TMEM266: variants seen among roughly 807,000 people sequenced by gnomAD.
TMEM266 encodes Hv1 related protein 1.
TMEM266 carries 33 observed loss-of-function variants against 50.5 expected under a neutral mutation model. The ratio of observed to expected loss-of-function variants is 0.65; its 90% CI spans 0.50 to 0.87. TMEM266 has a LOEUF of 0.87. Among genes scored for constraint, TMEM266 ranks in the 40% least tolerant of loss-of-function variants. The probability of loss-of-function intolerance (pLI) is 0.00; values close to 1 mark genes in which losing one functional copy is unlikely to be tolerated. For synonymous variants in TMEM266, 310 were observed against 292.3 expected, an observed-to-expected ratio of 1.06 and a Z score of -0.62; for missense variants, 655 against 695.1, an observed-to-expected ratio of 0.94 and a Z score of 0.65.
chr15:76,157,373 G>A (rs882791), intron 4 of TMEM266, among the ~76,000 whole-genome samples: 14,668 of 152,294 alleles, frequency 0.096, 864 homozygotes, highest in Middle Eastern at 0.16. Context: ...CTTGCCCTAA[G>A]TAAGAGGTAT....
At chr15:76,067,921 C>G (rs924768976) in intron 1 of TMEM266, among the ~76,000 whole-genome samples, 21 of 152,050 alleles carry the variant, frequency 1.4e-4, no homozygotes, top group Non-Finnish European at 2.9e-4. Flanking sequence ...TGCAAAGGGC[C>G]AGCTCTCCCC....
intron 7 of TMEM266, among the ~76,000 whole-genome samples, chr15:76,174,700 C>G (rs79145320): frequency 3.9e-5 from 6 of 152,220 alleles, no homozygotes; most frequent in African/African-American, 1.2e-4. Context: ...CCTAGGCAAG[C>G]ACTAAGCTGC....
At chr15:76,151,442 TC>T (rs1349810854) in intron 3 of TMEM266, among the ~76,000 whole-genome samples, 3 of 151,808 alleles carry the variant, frequency 2.0e-5, no homozygotes, top group Non-Finnish European at 2.9e-5. Context: ...CAGCCCAGCC[TC>T]CCAGCCCCCA....
Position 76,119,409 on chromosome 15 carries a change from A to G in TMEM266, c.-96-14759A>G, listed in dbSNP as rs908258574. Among the ~76,000 whole-genome samples, 323 of 149,594 alleles carry G rather than the reference A, an allele frequency of 2.2e-3. 2 individuals carry two copies. The highest frequency in any genetic ancestry group is 7.2e-3 in the African/African-American group (293 of 40,920). ...TTTATGGCAAAAAAAAAAAAAAAAA[A>G]AAAGAAAAGAAAAGAAAATAGGGTC... On this transcript the variant is annotated intron_variant, in intron 1 of 10. Transcript: ENST00000388942.
chr15:76,128,456 A>G (rs969005102), intron 1 of TMEM266, among the ~76,000 whole-genome samples: 3 of 152,226 alleles, frequency 2.0e-5, no homozygotes, highest in Non-Finnish European at 1.5e-5. Flanking sequence ...GAATTTGACT[A>G]AAGTCTTAAA....
intron 1 of TMEM266, among the ~76,000 whole-genome samples, chr15:76,092,255 G>A (rs2036859212): frequency 6.6e-6 from 1 of 152,038 alleles, no homozygotes; most frequent in African/African-American, 2.4e-5. Context: ...TGGTCTTCAT[G>A]TTTTAGATTC....
At position 76,175,579 on chromosome 15, in the gene TMEM266, C is replaced by T. The variant is rs375786494; in HGVS notation, c.673C>T (p.Leu225=). The T allele has an allele frequency of 8.1e-6, 13 of 1,613,924 alleles. No homozygotes were observed. The African/African-American group carries it at 1.7e-4, about 22-fold the overall frequency. Reference sequence around the variant, plus strand: ...TCCAGCCTACGTCCTGCCAGTGAAGCTGGAGATGGAGATGGTTATCCAGCA... The same window carrying T: ...TCCAGCCTACGTCCTGCCAGTGAAGTTGGAGATGGAGATGGTTATCCAGCA... Residue 225 remains leucine, a synonymous_variant, in exon 8 of 11, where the codon CTG becomes TTG. Transcript: ENST00000388942.
At chr15:76,079,475 C>T (rs899238600) in intron 1 of TMEM266, among the ~76,000 whole-genome samples, 4 of 145,302 alleles carry the variant, frequency 2.8e-5, no homozygotes, top group Non-Finnish European at 6.0e-5. Context: ...GTTACCTCTG[C>T]AAAGATACTA....
intron 8 of TMEM266, chr15:76,176,084 A>C: frequency 5.5e-6 from 1 of 181,966 alleles, no homozygotes; most frequent in East Asian, 1.7e-4. Flanking sequence ...CCAGGGCCCC[A>C]GAAAGATGCT....
intron 3 of TMEM266, among the ~76,000 whole-genome samples, chr15:76,141,800 G>A (rs972782564): frequency 4.6e-5 from 7 of 152,120 alleles, no homozygotes; most frequent in African/African-American, 9.7e-5. Context: ...CTTTGAATTC[G>A]ACTACTCTAA....
chr15:76,153,143 A>AG lies in TMEM266; in HGVS notation c.228-3461_228-3460insG, dbSNP rs1305053993. Among the ~76,000 whole-genome samples, 2 of 151,838 alleles carry AG rather than the reference A, an allele frequency of 1.3e-5. No individual in the cohort carries two copies. Among genetic ancestry groups the AG allele is most frequent in the Non-Finnish European group, 1.5e-5 (1 of 67,940 alleles). ...TAGTAAGTTTCTCTAACAAAAAAAA[A>AG]AAGAAGAAAAAAACGACATTTTAAA... is the stretch of plus-strand genomic sequence containing the variant. On this transcript the variant is annotated intron_variant, in intron 3 of 10. Coordinates refer to ENST00000388942, the MANE Select transcript of TMEM266 (RefSeq NM_152335.3). This position sits in a 1 kb window ranked among gnomAD's most constrained non-coding sequence, Gnocchi z 4.2.
At chr15:76,072,204 C>T (rs1472515953) in intron 1 of TMEM266, among the ~76,000 whole-genome samples, 2 of 151,750 alleles carry the variant, frequency 1.3e-5, no homozygotes, top group East Asian at 1.9e-4. Flanking sequence ...TTTGGGAGGC[C>T]GAGGTAGGCG....
intron 8 of TMEM266, among the ~76,000 whole-genome samples, chr15:76,190,732 T>TC (rs748479247): frequency 9.2e-5 from 14 of 152,156 alleles, no homozygotes; most frequent in Non-Finnish European, 1.6e-4. Context: ...ATTTTGCAAC[T>TC]CCTGTGAAAG....
Position 76,103,093 on chromosome 15 carries a change from C to T in TMEM266, c.-96-31075C>T, listed in dbSNP as rs142075445. ...ACAGGAGTCTATGGCAGTAATCGGCCGAGAGATAGTGGGGGTTTGGACCAG... is the reference window on the plus strand; with the variant it reads ...ACAGGAGTCTATGGCAGTAATCGGCTGAGAGATAGTGGGGGTTTGGACCAG... On this transcript the variant is annotated intron_variant, in intron 1 of 10. Transcript: ENST00000388942. Among the ~76,000 whole-genome samples the T allele has an allele frequency of 6.1e-3, 920 of 151,854 alleles. 6 individuals are homozygous for T. Among genetic ancestry groups the T allele is most frequent in the Non-Finnish European group, 9.2e-3 (626 of 67,962 alleles).
intron 9 of TMEM266, among the ~76,000 whole-genome samples, chr15:76,199,717 G>A (rs1018336994): frequency 6.6e-6 from 1 of 152,012 alleles, no homozygotes; most frequent in Non-Finnish European, 1.5e-5. Flanking sequence ...AGATCAGTGT[G>A]TGAAGTGCGG....
chr15:76,183,070 C>T (rs905838256), intron 8 of TMEM266, among the ~76,000 whole-genome samples: 1 of 145,098 alleles, frequency 6.9e-6, no homozygotes, highest in South Asian at 2.2e-4. Context: ...CCACACAAGT[C>T]ACTCAGGCCT....
At chr15:76,178,708 G>A (rs748583060) in intron 8 of TMEM266, 2 of 152,242 alleles carry the variant, frequency 1.3e-5, no homozygotes, top group Non-Finnish European at 1.5e-5. Context: ...GGGGGTCTCA[G>A]CCGGAGGGAG....
At position 76,192,122 on chromosome 15, in the gene TMEM266, C is replaced by T. The variant is rs1012861884; in HGVS notation, c.923C>T (p.Ala308Val). Residue 308 changes from alanine to valine, a missense_variant, in exon 9 of 11, where the codon GCC becomes GTC. By Grantham distance (64) the Ala-to-Val change is moderately conservative (BLOSUM62 0). This residue lies in a region of TMEM266 where 455 missense variants were observed against 401.8 expected (regional missense o/e 1.13). Transcript: ENST00000388942. ...GGCACGTGGGACGAGGAGACGGCGGCCGAGAGCGTCGTGGAGGAGCTGCAG... is the reference window on the plus strand; with the variant it reads ...GGCACGTGGGACGAGGAGACGGCGGTCGAGAGCGTCGTGGAGGAGCTGCAG... 2 of 1,412,464 alleles carry T rather than the reference C, an allele frequency of 1.4e-6. No individual in the cohort carries two copies. Among genetic ancestry groups the T allele is most frequent in the African/African-American group, 1.5e-5 (1 of 65,822 alleles). 87.5% of individuals were successfully genotyped at this position (1,412,464 alleles called of 1,614,324 possible).
chr15:76,145,185 G>A (rs1486301937), intron 3 of TMEM266, among the ~76,000 whole-genome samples: 1 of 152,172 alleles, frequency 6.6e-6, no homozygotes, highest in African/African-American at 2.4e-5. Context: ...TCCTGATGTT[G>A]TAAACTTCAT....
Sources: allele counts gnomAD v4.1 joint callset (sites outside exome capture counted in the v4.1 genomes callset), GRCh38; gene constraint gnomAD v4.1.1; regional missense constraint gnomAD v4.1.1; non-coding constraint Gnocchi (gnomAD v3.1); transcripts MANE v1.5; gene names NCBI Gene and HGNC (gene_info 2026-07-23, HGNC 2026-07-21).